Variants in NUDT11 observed in about 807,000 individuals in gnomAD.
NUDT11 encodes the protein diphosphoinositol polyphosphate phosphohydrolase 3-beta.
Under a neutral mutation model 10.0 loss-of-function variants are expected in NUDT11, and 1 was observed. The ratio of observed to expected loss-of-function variants is 0.10; its 90% CI spans 0.04 to 0.47. The LOEUF (loss-of-function observed/expected upper bound fraction) is 0.47. Ranked by LOEUF, NUDT11 falls within the 20% of genes least tolerant of loss-of-function variation. The pLI, the probability that NUDT11 is intolerant of heterozygous loss-of-function variation, is 0.96. For missense variants in NUDT11, 47 were observed against 140.4 expected (o/e 0.33, Z 3.36); for synonymous variants, 63 against 65.9 (o/e 0.96, Z 0.21).
At chrX:51,493,376 A>G (rs186338665) in intron 1 of NUDT11, among the ~76,000 whole-genome samples, 4 of 112,084 alleles carry the variant, frequency 3.6e-5, no homozygotes, top group Non-Finnish European at 5.6e-5. Context: ...GAAATAATGT[A>G]CAAGTGAACT....
At chrX:51,492,418 G>A (rs1332848682) in intron 1 of NUDT11, among the ~76,000 whole-genome samples, 1 of 108,097 alleles carries the variant, frequency 9.3e-6, no homozygotes, top group Non-Finnish European at 1.9e-5. Context: ...CCAGGCTGGA[G>A]TGATCTTGGC....
At chrX:51,494,045 T>TC (rs1925650521) in intron 1 of NUDT11, among the ~76,000 whole-genome samples, 1 of 111,677 alleles carries the variant, frequency 9.0e-6, no homozygotes, top group Admixed American at 9.5e-5. Flanking sequence ...ATAATTAGGT[T>TC]ATTGAGGAAA....
At chrX:51,491,808 C>T in intron 1 of NUDT11, 59 bp from the exon 2 acceptor site, 1 of 569,805 alleles carries the variant, frequency 1.8e-6, no homozygotes, top group East Asian at 3.2e-5. Flanking sequence ...CTCCAACTGA[C>T]AAATGTACCA....
At chrX:51,494,710 G>A (rs1209188119) in intron 1 of NUDT11, among the ~76,000 whole-genome samples, 1 of 111,265 alleles carries the variant, frequency 9.0e-6, no homozygotes, top group Non-Finnish European at 1.9e-5. Flanking sequence ...GAGGTTTTTG[G>A]ATTACAGGCA....
rs185201069 is a variant in NUDT11 at position 51,491,725 on chromosome X, A to G, written c.*24T>C. The G allele has an allele frequency of 2.3e-4, 132 of 569,608 alleles. No homozygotes were observed. Among genetic ancestry groups the G allele is most frequent in the Admixed American group, 2.0e-3 (92 of 45,004 alleles). The allele number at this position is 569,608 out of a possible 1,213,427, so 46.9% of individuals were successfully genotyped here. ...TTCACATCAATGTTTCTTTCAGCACAATACTGAACATCTTTGCTGTTCATC... is the reference window on the plus strand; with the variant it reads ...TTCACATCAATGTTTCTTTCAGCACGATACTGAACATCTTTGCTGTTCATC... On this transcript the variant is annotated 3_prime_UTR_variant, in exon 2 of 2. Coordinates refer to ENST00000375992, the MANE Select transcript of NUDT11 (RefSeq NM_018159.4).
intron 1 of NUDT11, among the ~76,000 whole-genome samples, chrX:51,493,376 A>C (rs186338665): frequency 8.9e-6 from 1 of 112,138 alleles, no homozygotes; most frequent in African/African-American, 3.2e-5. Flanking sequence ...GAAATAATGT[A>C]CAAGTGAACT....
Position 51,495,896 on chromosome X carries a change from G to A in NUDT11, c.494+55C>T. ...GCACGAGAGGTGCTCCAGGCGGGAC[G>A]CATTTTAAGCGAGGCAGACAAATAG... On this transcript the variant is annotated intron_variant, in intron 1 of 1. Coordinates refer to ENST00000375992, the MANE Select transcript of NUDT11 (RefSeq NM_018159.4). The A allele has an allele frequency of 7.6e-6, 9 of 1,188,517 alleles. No homozygotes were observed. In the South Asian group the frequency reaches 1.1e-4, roughly 15 times the overall value.
intron 1 of NUDT11, among the ~76,000 whole-genome samples, 185 bp downstream of exon 1, chrX:51,495,766 G>C (rs782463257): frequency 1.2e-4 from 14 of 112,639 alleles, no homozygotes; most frequent in African/African-American, 4.2e-4. Flanking sequence ...CGTGCAAACT[G>C]TCTTGAAAAC....
chrX:51,490,438 A>T lies in NUDT11; in HGVS notation c.*1311T>A, dbSNP rs1244428217. 2.7e-5 allele frequency: 3 copies of T among 112,008 alleles called. No individual in the cohort carries two copies. Among genetic ancestry groups the T allele is most frequent in the Non-Finnish European group, 5.6e-5 (3 of 53,209 alleles). 9.2% of individuals were successfully genotyped at this position (112,008 alleles called of 1,213,427 possible). On this transcript the variant is annotated 3_prime_UTR_variant, in exon 2 of 2. Transcript: ENST00000375992. Reference sequence around the variant, plus strand: ...AATTGCTTTATAATATAAAAGAAAAAATCAAACAAACTAGCATATTAGAAC... The same window carrying T: ...AATTGCTTTATAATATAAAAGAAAATATCAAACAAACTAGCATATTAGAAC...
intron 1 of NUDT11, among the ~76,000 whole-genome samples, chrX:51,494,590 TA>T (rs2146660301): frequency 9.8e-6 from 1 of 102,393 alleles, no homozygotes; most frequent in East Asian, 3.0e-4. Flanking sequence ...TTTTGAAGGG[TA>T]AAATACAAAA....
chrX:51,494,860 A>G (rs782213644), intron 1 of NUDT11, among the ~76,000 whole-genome samples: 62 of 112,262 alleles, frequency 5.5e-4, no homozygotes, highest in South Asian at 2.2e-3. Flanking sequence ...GCTGAACATC[A>G]CTAGAGCTAA....
rs1289985226 is a variant in NUDT11 at position 51,490,540 on chromosome X, A to C, written c.*1209T>G. 1 of 112,394 alleles carries C rather than the reference A, an allele frequency of 8.9e-6. No homozygotes were observed. The highest frequency in any genetic ancestry group is 2.8e-4 in the East Asian group (1 of 3,583). The allele number at this position is 112,394 out of a possible 1,213,427, so 9.3% of individuals were successfully genotyped here. ...TGGCAAACTCCGTAAGATTTCTTCT[A>C]AACATCTTTGTTATTTTCTTAAAAT... On this transcript the variant is annotated 3_prime_UTR_variant, in exon 2 of 2. Coordinates refer to ENST00000375992, the MANE Select transcript of NUDT11 (RefSeq NM_018159.4).
chrX:51,491,831 G>A, intron 1 of NUDT11, 82 bp from the exon 2 acceptor site: 4 of 565,783 alleles, frequency 7.1e-6, no homozygotes, highest in Non-Finnish European at 1.3e-5. Context: ...AGCTTATTAT[G>A]TACATCAATC....
intron 1 of NUDT11, among the ~76,000 whole-genome samples, chrX:51,494,249 A>T (rs1925654814): frequency 8.9e-6 from 1 of 112,282 alleles, no homozygotes; most frequent in Non-Finnish European, 1.9e-5. Flanking sequence ...AAATATATAT[A>T]TTCAACATGT....
chrX:51,492,543 T>G (rs997783445), intron 1 of NUDT11, among the ~76,000 whole-genome samples: 1 of 110,955 alleles, frequency 9.0e-6, no homozygotes, highest in African/African-American at 3.3e-5. Flanking sequence ...TTTTACTTCA[T>G]TAATAATTAG....
rs782521111 is a variant in NUDT11, at chrX:51,490,641, C to T, written c.*1108G>A. 2 of 112,043 alleles carry T rather than the reference C, an allele frequency of 1.8e-5. No homozygotes were observed. The highest frequency in any genetic ancestry group is 3.8e-5 in the Non-Finnish European group (2 of 53,246). 9.2% of individuals were successfully genotyped at this position (112,043 alleles called of 1,213,427 possible). A position where few individuals can be genotyped will look rare whatever the true frequency, so the allele number is the denominator to read the frequency against. On this transcript the variant is annotated 3_prime_UTR_variant, in exon 2 of 2. Coordinates refer to ENST00000375992, the MANE Select transcript of NUDT11 (RefSeq NM_018159.4). ...TTGTGTTCCCCTCTAATAGCAGCCTCTTTCCTAAATGCCTTTTCTAAATGA... is the reference window on the plus strand; with the variant it reads ...TTGTGTTCCCCTCTAATAGCAGCCTTTTTCCTAAATGCCTTTTCTAAATGA...
In NUDT11 at chrX:51,495,901, T is replaced by C. The variant is rs782363688; in HGVS notation, c.494+50A>G. 5.0e-6 allele frequency: 6 copies of C among 1,193,949 alleles called. 1 individual carries two copies. In the South Asian group the frequency reaches 1.1e-4, roughly 22 times the overall value. ...AGAGGTGCTCCAGGCGGGACGCATT[T>C]TAAGCGAGGCAGACAAATAGAAGTC... is the stretch of plus-strand genomic sequence containing the variant. On this transcript the variant is annotated intron_variant, in intron 1 of 1. Transcript: ENST00000375992.
At chrX:51,494,225 A>T (rs942267892) in intron 1 of NUDT11, among the ~76,000 whole-genome samples, 16 of 112,412 alleles carry the variant, frequency 1.4e-4, no homozygotes, top group African/African-American at 4.5e-4. Flanking sequence ...AATATTTTTT[A>T]AAATATGTGG....
At chrX:51,495,842 C>A in intron 1 of NUDT11, 109 bp downstream of exon 1, 2 of 1,077,567 alleles carry the variant, frequency 1.9e-6, no homozygotes. Context: ...ACAAAAGAAG[C>A]CTCCCTCCTC....
Sources: allele counts gnomAD v4.1 joint callset (sites outside exome capture counted in the v4.1 genomes callset), GRCh38; gene constraint gnomAD v4.1.1; transcripts MANE v1.5; gene names NCBI Gene and HGNC (gene_info 2026-07-23, HGNC 2026-07-21).